The following CDH8 variants were observed in gnomAD, a reference collection of about 807,000 sequenced individuals.
CDH8 encodes cadherin 8.
Under a neutral mutation model 68.1 loss-of-function variants are expected in CDH8, and 17 were observed. The observed-to-expected ratio is 0.25, with a 90% confidence interval of 0.17 to 0.37. CDH8 has a LOEUF of 0.37. CDH8 is among the 10% of genes least tolerant of loss of function. The pLI, the probability that CDH8 is intolerant of heterozygous loss-of-function variation, is 1.00. For missense variants in CDH8, 763 were observed against 999.3 expected (o/e 0.76, Z 3.19); for synonymous variants, 372 against 365.1 (o/e 1.02, Z -0.21).
chr16:61,726,540 A>G (rs1959374441), intron 9 of CDH8: 1 of 148,582 alleles, frequency 6.7e-6, no homozygotes, highest in African/African-American at 2.5e-5. Context: ...TCATTGACCC[A>G]TCTATGCAAT....
intron 2 of CDH8, among the ~76,000 whole-genome samples, chr16:62,018,538 G>C (rs562617808): frequency 6.6e-6 from 1 of 152,178 alleles, no homozygotes; most frequent in African/African-American, 2.4e-5. Flanking sequence ...TTCGCACTCA[G>C]CCTGACTCAT....
At chr16:61,955,728 T>C (rs1209861569) in intron 2 of CDH8, among the ~76,000 whole-genome samples, 1 of 152,212 alleles carries the variant, frequency 6.6e-6, no homozygotes, top group East Asian at 1.9e-4. Flanking sequence ...ATGTTTCTGA[T>C]AGTCTGTAAA....
At chr16:61,855,550 T>A (rs1039338037) in intron 4 of CDH8, among the ~76,000 whole-genome samples, 1 of 152,094 alleles carries the variant, frequency 6.6e-6, no homozygotes, top group Non-Finnish European at 1.5e-5. Flanking sequence ...TGAATGTGTA[T>A]AGGTATGTCA....
chr16:61,678,917 T>C (rs1158014853), intron 10 of CDH8, among the ~76,000 whole-genome samples: 1 of 152,050 alleles, frequency 6.6e-6, no homozygotes, highest in African/African-American at 2.4e-5. Context: ...TTCTGAACTT[T>C]TGAAATACTT....
At chr16:61,713,200 A>G (rs1256183388) in intron 10 of CDH8, among the ~76,000 whole-genome samples, 1 of 151,656 alleles carries the variant, frequency 6.6e-6, no homozygotes, top group African/African-American at 2.4e-5. Flanking sequence ...TGGCTTTCAC[A>G]TATAATAAAT....
chr16:61,836,150 T>G (rs565806264), intron 4 of CDH8, among the ~76,000 whole-genome samples: 1 of 151,978 alleles, frequency 6.6e-6, no homozygotes, highest in Non-Finnish European at 1.5e-5. Flanking sequence ...CAATCAGACA[T>G]AGTATATCTG....
intron 8 of CDH8, among the ~76,000 whole-genome samples, chr16:61,736,175 A>C (rs1420383883): frequency 7.6e-6 from 1 of 131,502 alleles, no homozygotes; most frequent in African/African-American, 2.9e-5. Context: ...AAGGAAAGAA[A>C]GAAAGGTGGA....
intron 2 of CDH8, among the ~76,000 whole-genome samples, chr16:62,016,668 T>A (rs1446626410): frequency 6.6e-6 from 1 of 152,200 alleles, no homozygotes; most frequent in Non-Finnish European, 1.5e-5. Context: ...GCTCAATGTT[T>A]ATGTGTTTAT....
intron 2 of CDH8, among the ~76,000 whole-genome samples, chr16:61,951,374 G>A (rs577482740): frequency 2.0e-4 from 31 of 151,878 alleles, no homozygotes; most frequent in East Asian, 5.9e-4. Flanking sequence ...TTAGCTGGGC[G>A]TGCTGGCGGG....
At chr16:61,721,672 C>T (rs1343102069) in intron 9 of CDH8, among the ~76,000 whole-genome samples, 1 of 150,546 alleles carries the variant, frequency 6.6e-6, no homozygotes. Context: ...AATGTTCACT[C>T]TTGATCAGAC....
intron 2 of CDH8, among the ~76,000 whole-genome samples, chr16:61,950,824 T>C (rs1008096469): frequency 6.6e-6 from 1 of 152,116 alleles, no homozygotes; most frequent in Non-Finnish European, 1.5e-5. Context: ...TTCTCACTTA[T>C]AAGTGGAAGC....
intron 4 of CDH8, among the ~76,000 whole-genome samples, chr16:61,845,001 T>C (rs924306446): frequency 1.2e-4 from 18 of 152,284 alleles, no homozygotes; most frequent in African/African-American, 4.1e-4. Context: ...GAGAGCAAAG[T>C]TAATTGTATA....
At chr16:61,976,957 T>C (rs1965446002) in intron 2 of CDH8, among the ~76,000 whole-genome samples, 1 of 152,188 alleles carries the variant, frequency 6.6e-6, no homozygotes, top group African/African-American at 2.4e-5. Flanking sequence ...AGACATCCAG[T>C]ATAAATATCA....
chr16:62,005,305 T>C (rs1965956524), intron 2 of CDH8, among the ~76,000 whole-genome samples: 1 of 152,194 alleles, frequency 6.6e-6, no homozygotes, highest in Non-Finnish European at 1.5e-5. Flanking sequence ...CCAATATTCT[T>C]GCATGTGTGG....
chr16:61,787,932 G>T (rs1961268975), intron 8 of CDH8, among the ~76,000 whole-genome samples: 1 of 83,386 alleles, frequency 1.2e-5, no homozygotes, highest in East Asian at 3.7e-4. Context: ...CACACTCTGG[G>T]GACTGTGGTG....
chr16:61,986,364 CTTT>C (rs924723354), intron 2 of CDH8, among the ~76,000 whole-genome samples: 1 of 151,960 alleles, frequency 6.6e-6, no homozygotes, highest in African/African-American at 2.4e-5. Context: ...TCCTTCACTC[CTTT>C]TTTTTCTCTT....
rs537091175 is a variant in CDH8, at chr16:61,992,425, C to A, written c.252+28727G>T. Reference sequence around the variant, plus strand: ...ATGGACACAGGAAGGGGACCATCACCCTCTGGGGACTGTTGTGGGGTGGGG... The same window carrying A: ...ATGGACACAGGAAGGGGACCATCACACTCTGGGGACTGTTGTGGGGTGGGG... On this transcript the variant is annotated intron_variant, in intron 2 of 11. Transcript: ENST00000577390. Among the ~76,000 whole-genome samples, 247 of 124,648 alleles carry A rather than the reference C, an allele frequency of 2.0e-3. 1 individual carries two copies. The highest frequency in any genetic ancestry group is 7.2e-3 in the African/African-American group (229 of 31,698). The allele number at this position is 124,648 out of a possible 152,430, so 81.8% of individuals were successfully genotyped here. A position where few individuals can be genotyped will look rare whatever the true frequency, so the allele number is the denominator to read the frequency against.
chr16:61,829,860 A>C (rs1962419037), intron 4 of CDH8, among the ~76,000 whole-genome samples: 1 of 151,830 alleles, frequency 6.6e-6, no homozygotes, highest in South Asian at 2.1e-4. Context: ...AACATCCAAG[A>C]CAGAATTTTT....
intron 2 of CDH8, among the ~76,000 whole-genome samples, chr16:61,955,273 G>T (rs1282948232): frequency 2.6e-5 from 4 of 152,186 alleles, no homozygotes; most frequent in African/African-American, 7.2e-5. Context: ...CCTAATGGAG[G>T]TATAAACAGA....
Sources: gnomAD v4.1 joint callset for allele counts (sites outside exome capture counted in the v4.1 genomes callset) on GRCh38, gnomAD v4.1.1 for gene constraint, MANE v1.5 for transcripts, NCBI Gene and HGNC (gene_info 2026-07-23, HGNC 2026-07-21) for gene names.